MARCHF11: variants seen among roughly 807,000 people sequenced by gnomAD.
MARCHF11 encodes the protein membrane associated ring-CH-type finger 11, also known as E3 ubiquitin-protein ligase MARCHF11.
A neutral mutation model predicts 37.3 loss-of-function variants in MARCHF11; 29 were observed. The ratio of observed to expected loss-of-function variants is 0.78; its 90% confidence interval spans 0.58 to 1.06. The LOEUF (loss-of-function observed/expected upper bound fraction) is 1.06, where lower values mean the gene tolerates loss of function less well. MARCHF11 is among the 50% of genes least tolerant of loss of function. The probability of loss-of-function intolerance (pLI) is 0.00; values close to 1 mark genes in which losing one functional copy is unlikely to be tolerated. For synonymous variants in MARCHF11, 233 were observed against 228.0 expected, an observed-to-expected ratio of 1.02 and a Z score of -0.20; for missense variants, 482 against 533.4, an observed-to-expected ratio of 0.90 and a Z score of 0.95.
chr5:16,160,406 T>C (rs1738054967), intron 2 of MARCHF11, among the ~76,000 whole-genome samples: 1 of 146,036 alleles, frequency 6.8e-6, no homozygotes, highest in African/African-American at 2.5e-5. Flanking sequence ...ATTTATATAA[T>C]TTTATAATTT....
intron 2 of MARCHF11, among the ~76,000 whole-genome samples, chr5:16,096,333 A>G (rs752781129): frequency 1.1e-4 from 17 of 152,252 alleles, no homozygotes; most frequent in Non-Finnish European, 2.1e-4. Context: ...TAACACGAAG[A>G]CGACAAACTC....
rs73755731 is a variant in MARCHF11, at chr5:16,154,912, A to T, written c.693+22814T>A. 1.7e-3 allele frequency among the ~76,000 whole-genome samples: 254 copies of T among 151,970 alleles called. 1 individual carries two copies. The highest frequency in any genetic ancestry group is 5.8e-3 in the African/African-American group (240 of 41,508). ...GGAGGCTCATACCAGCACACTGTTG[A>T]TGGTGGACAATTTGGAAGTATCTAT... is the stretch of plus-strand genomic sequence containing the variant. On this transcript the variant is annotated intron_variant, in intron 2 of 3. Transcript: ENST00000332432.
At chr5:16,078,639 C>T (rs968753173) in intron 3 of MARCHF11, among the ~76,000 whole-genome samples, 4 of 152,118 alleles carry the variant, frequency 2.6e-5, no homozygotes, top group African/African-American at 9.7e-5. Flanking sequence ...CAACAGTTCC[C>T]CAGAGGGGCA....
chr5:16,151,379 T>C (rs1737884189), intron 2 of MARCHF11, among the ~76,000 whole-genome samples: 1 of 152,002 alleles, frequency 6.6e-6, no homozygotes, highest in Non-Finnish European at 1.5e-5. Flanking sequence ...ATCCTTAGCA[T>C]GAGCCCCCTA....
chr5:16,165,781 T>C (rs536990988), intron 2 of MARCHF11, among the ~76,000 whole-genome samples: 1 of 152,208 alleles, frequency 6.6e-6, no homozygotes, highest in Non-Finnish European at 1.5e-5. Flanking sequence ...CCTGGCTACA[T>C]AGAATTTGCT....
At chr5:16,104,157 T>C (rs892834798) in intron 2 of MARCHF11, among the ~76,000 whole-genome samples, 1 of 152,200 alleles carries the variant, frequency 6.6e-6, no homozygotes, top group African/African-American at 2.4e-5. Flanking sequence ...CTCTTCCTCA[T>C]CTTTAAAATG....
chr5:16,119,728 T>C (rs988167001), intron 2 of MARCHF11, among the ~76,000 whole-genome samples: 1 of 152,230 alleles, frequency 6.6e-6, no homozygotes, highest in African/African-American at 2.4e-5. Flanking sequence ...AAAACAACTA[T>C]GTTTACTGAT....
At chr5:16,165,681 C>G (rs1261570778) in intron 2 of MARCHF11, among the ~76,000 whole-genome samples, 1 of 152,068 alleles carries the variant, frequency 6.6e-6, no homozygotes, top group Admixed American at 6.6e-5. Context: ...GTGAAATAAT[C>G]TCATCACATC....
intron 2 of MARCHF11, 127 bp downstream of exon 2, chr5:16,177,599 G>T: frequency 5.8e-6 from 4 of 692,508 alleles, no homozygotes; most frequent in Non-Finnish European, 8.4e-6. Flanking sequence ...TCTAAATCTT[G>T]GTTTTAGTGT....
At chr5:16,096,003 C>T (rs904962120) in intron 2 of MARCHF11, among the ~76,000 whole-genome samples, 1 of 152,184 alleles carries the variant, frequency 6.6e-6, no homozygotes, top group African/African-American at 2.4e-5. Flanking sequence ...GGATAAAGAT[C>T]CACTCTGGCC....
chr5:16,115,291 T>G (rs926851058), intron 2 of MARCHF11, among the ~76,000 whole-genome samples: 3 of 152,250 alleles, frequency 2.0e-5, no homozygotes, highest in African/African-American at 7.2e-5. Context: ...GCCCTAGATA[T>G]GCACTTAGCA....
At chr5:16,115,270 T>A (rs1049431609) in intron 2 of MARCHF11, among the ~76,000 whole-genome samples, 1 of 152,234 alleles carries the variant, frequency 6.6e-6, no homozygotes, top group Non-Finnish European at 1.5e-5. Flanking sequence ...TCAATTTCCT[T>A]CATAACCCTT....
At chr5:16,149,506 C>T (rs1184849364) in intron 2 of MARCHF11, among the ~76,000 whole-genome samples, 2 of 152,110 alleles carry the variant, frequency 1.3e-5, no homozygotes, top group East Asian at 3.9e-4. Flanking sequence ...GCCATACACA[C>T]ATATACCCTA....
chr5:16,113,446 T>C (rs1395877667), intron 2 of MARCHF11, among the ~76,000 whole-genome samples: 17 of 152,184 alleles, frequency 1.1e-4, no homozygotes, highest in Admixed American at 1.1e-3. Flanking sequence ...AATGTTATTA[T>C]TGTTCGACTT....
chr5:16,116,479 G>A (rs989752638), intron 2 of MARCHF11, among the ~76,000 whole-genome samples: 1 of 152,036 alleles, frequency 6.6e-6, no homozygotes, highest in African/African-American at 2.4e-5. Flanking sequence ...CCCTCTAATT[G>A]CAGAGAATTG....
chr5:16,140,095 C>T (rs1737676963), intron 2 of MARCHF11, among the ~76,000 whole-genome samples: 1 of 152,070 alleles, frequency 6.6e-6, no homozygotes, highest in Non-Finnish European at 1.5e-5. Flanking sequence ...ACCAAGAATA[C>T]AGTATTTGCA....
At chr5:16,080,236 T>C (rs1458138161) in intron 3 of MARCHF11, among the ~76,000 whole-genome samples, 2 of 152,146 alleles carry the variant, frequency 1.3e-5, no homozygotes, top group African/African-American at 4.8e-5. Context: ...TTGGCTTGAC[T>C]TCACCTAACC....
intron 2 of MARCHF11, among the ~76,000 whole-genome samples, chr5:16,175,975 G>T (rs543826611): frequency 2.6e-5 from 4 of 152,210 alleles, no homozygotes; most frequent in Non-Finnish European, 5.9e-5. Flanking sequence ...TGGGGAAAAG[G>T]AAAATCATAT....
chr5:16,117,613 T>A (rs1737243282), intron 2 of MARCHF11, among the ~76,000 whole-genome samples: 1 of 152,152 alleles, frequency 6.6e-6, no homozygotes, highest in South Asian at 2.1e-4. Context: ...TGTCAGCTGG[T>A]TGTGGTGGCA....
Sources: allele counts gnomAD v4.1 joint callset (sites outside exome capture counted in the v4.1 genomes callset), GRCh38; gene constraint gnomAD v4.1.1; transcripts MANE v1.5; gene names NCBI Gene and HGNC (gene_info 2026-07-23, HGNC 2026-07-21).